Variants in PTCHD4 observed in about 807,000 individuals in gnomAD.
PTCHD4 encodes patched domain-containing protein 4.
In PTCHD4, 33 loss-of-function variants were observed where a neutral mutation model predicts 58.1. That is an observed-to-expected ratio of 0.57 (90% CI 0.43 to 0.76). The LOEUF (loss-of-function observed/expected upper bound fraction) is 0.76, where lower values mean the gene tolerates loss of function less well. Among genes scored for constraint, PTCHD4 ranks in the 30% least tolerant of loss-of-function variants. PTCHD4 has a pLI of 0.00. For synonymous variants in PTCHD4, 478 were observed against 409.6 expected (o/e 1.17, Z -2.02); for missense variants, 1,058 against 1,027.1 (o/e 1.03, Z -0.41).
chr6:48,073,110 T>A (rs1765003836), intron 1 of PTCHD4, among the ~76,000 whole-genome samples: 1 of 152,190 alleles, frequency 6.6e-6, no homozygotes, highest in African/African-American at 2.4e-5. Flanking sequence ...TGGTAATTAT[T>A]GCAAATCTGA....
intron 1 of PTCHD4, among the ~76,000 whole-genome samples, chr6:48,104,660 T>C (rs887365010): frequency 7.2e-5 from 11 of 152,104 alleles, no homozygotes; most frequent in African/African-American, 2.7e-4. Flanking sequence ...GATTGGCAAA[T>C]TGGATAAAGA....
At chr6:48,008,115 T>C (rs1762526483) in intron 4 of PTCHD4, among the ~76,000 whole-genome samples, 1 of 152,216 alleles carries the variant, frequency 6.6e-6, no homozygotes, top group Admixed American at 6.5e-5. Flanking sequence ...AGGAAGGTTT[T>C]AGTTTATACA....
intron 4 of PTCHD4, among the ~76,000 whole-genome samples, chr6:47,985,072 G>T (rs1355069631): frequency 6.6e-6 from 1 of 152,080 alleles, no homozygotes; most frequent in South Asian, 2.1e-4. Flanking sequence ...TTACTTATGA[G>T]AACTGATTTT....
At chr6:47,924,736 C>T (rs954908312) in intron 4 of PTCHD4, among the ~76,000 whole-genome samples, 1 of 152,076 alleles carries the variant, frequency 6.6e-6, no homozygotes, top group Non-Finnish European at 1.5e-5. Flanking sequence ...CAGTTGAGAG[C>T]AGATTGTAAT....
At chr6:47,972,757 C>T (rs1297806276) in intron 4 of PTCHD4, among the ~76,000 whole-genome samples, 2 of 150,516 alleles carry the variant, frequency 1.3e-5, no homozygotes, top group East Asian at 1.9e-4. Flanking sequence ...ATGAGCTTCA[C>T]CTAATGTTAA....
intron 4 of PTCHD4, among the ~76,000 whole-genome samples, chr6:47,966,401 A>T (rs1767298103): frequency 1.3e-5 from 2 of 152,216 alleles, no homozygotes; most frequent in Admixed American, 6.5e-5. Flanking sequence ...CTTGTGATTT[A>T]TAATCTCTTT....
At chr6:47,889,943 G>A (rs553796107) in intron 4 of PTCHD4, among the ~76,000 whole-genome samples, 12 of 151,982 alleles carry the variant, frequency 7.9e-5, no homozygotes, top group African/African-American at 2.4e-4. Flanking sequence ...GAAAATTTTC[G>A]CAACCTACTC....
chr6:48,087,021 AGC>A (rs1216641384), intron 1 of PTCHD4, among the ~76,000 whole-genome samples: 2 of 152,216 alleles, frequency 1.3e-5, no homozygotes, highest in African/African-American at 2.4e-5. Context: ...GAGTTAGAGA[AGC>A]CTAGCACTTA....
Position 47,873,382 on chromosome 6 carries a change from T to C in PTCHD4, c.*4921A>G, listed in dbSNP as rs1763767962. Reference sequence around the variant, plus strand: ...ATCTCTCAATATCCTTCCAGTGTCATTTCAAATGTTGCCTGATCTAACTCC... The same window carrying C: ...ATCTCTCAATATCCTTCCAGTGTCACTTCAAATGTTGCCTGATCTAACTCC... On this transcript the variant is annotated 3_prime_UTR_variant, in exon 5 of 5. Coordinates refer to ENST00000339488, the MANE Select transcript of PTCHD4 (RefSeq NM_001384253.1). Among the ~76,000 whole-genome samples, 2 of 151,672 alleles carry C rather than the reference T, an allele frequency of 1.3e-5. No homozygotes were observed. The highest frequency in any genetic ancestry group is 4.1e-4 in the South Asian group (2 of 4,836).
chr6:48,055,142 A>G (rs1764366174), intron 3 of PTCHD4, among the ~76,000 whole-genome samples: 1 of 152,200 alleles, frequency 6.6e-6, no homozygotes, highest in Non-Finnish European at 1.5e-5. Context: ...CTCCCCTACT[A>G]GTCCATCAAG....
intron 4 of PTCHD4, among the ~76,000 whole-genome samples, chr6:47,917,055 T>A (rs767113935): frequency 2.0e-5 from 3 of 152,150 alleles, no homozygotes; most frequent in Non-Finnish European, 2.9e-5. Context: ...GACAACTTTG[T>A]ATGTAAAACA....
intron 4 of PTCHD4, among the ~76,000 whole-genome samples, chr6:47,999,615 G>A (rs957511574): frequency 6.6e-6 from 1 of 152,098 alleles, no homozygotes; most frequent in Non-Finnish European, 1.5e-5. Flanking sequence ...CACGCTTTGG[G>A]AAATAGACGT....
chr6:47,941,397 C>T (rs1766217631), intron 4 of PTCHD4, among the ~76,000 whole-genome samples: 1 of 152,152 alleles, frequency 6.6e-6, no homozygotes, highest in Non-Finnish European at 1.5e-5. Context: ...TCCTCTATCC[C>T]TTCTAATGGT....
intron 4 of PTCHD4, among the ~76,000 whole-genome samples, chr6:47,909,811 TCCTC>T: frequency 6.6e-6 from 1 of 152,144 alleles, no homozygotes; most frequent in Non-Finnish European, 1.5e-5. Context: ...TTTCCTTTCT[TCCTC>T]ACTCCCTTCT....
intron 4 of PTCHD4, among the ~76,000 whole-genome samples, chr6:47,927,373 A>G (rs1213132607): frequency 6.6e-6 from 1 of 152,154 alleles, no homozygotes; most frequent in Non-Finnish European, 1.5e-5. Context: ...AGATGCTGAA[A>G]TAGGCACTCA....
intron 1 of PTCHD4, among the ~76,000 whole-genome samples, chr6:48,077,718 TAATTTC>T (rs1286806176): frequency 1.3e-5 from 2 of 152,190 alleles, no homozygotes; most frequent in Non-Finnish European, 2.9e-5. Context: ...TTAATTGGCC[TAATTTC>T]AATATTGTTG....
At chr6:47,969,611 C>A (rs1767424713) in intron 4 of PTCHD4, among the ~76,000 whole-genome samples, 1 of 151,960 alleles carries the variant, frequency 6.6e-6, no homozygotes, top group Non-Finnish European at 1.5e-5. Context: ...GCATAAAATT[C>A]TTTAAAAAAT....
intron 3 of PTCHD4, among the ~76,000 whole-genome samples, chr6:48,021,185 C>G (rs1332338316): frequency 6.6e-6 from 1 of 151,848 alleles, no homozygotes; most frequent in East Asian, 1.9e-4. Context: ...ATACATACTA[C>G]AGTAGAAACA....
At chr6:48,079,591 G>A (rs1297967218) in intron 1 of PTCHD4, among the ~76,000 whole-genome samples, 2 of 151,328 alleles carry the variant, frequency 1.3e-5, no homozygotes, top group East Asian at 1.9e-4. Flanking sequence ...GGACTTTGTA[G>A]GGAGGGTTTG....
Sources: allele counts gnomAD v4.1 joint callset (sites outside exome capture counted in the v4.1 genomes callset), GRCh38; gene constraint gnomAD v4.1.1; transcripts MANE v1.5; gene names NCBI Gene and HGNC (gene_info 2026-07-23, HGNC 2026-07-21).